The following FAM149A variants were observed in gnomAD, a reference collection of about 807,000 sequenced individuals.
FAM149A encodes family with sequence similarity 149 member A.
A neutral mutation model predicts 78.2 loss-of-function variants in FAM149A; 71 were observed. That is an observed-to-expected ratio of 0.91 (90% CI 0.75 to 1.11). FAM149A has a LOEUF of 1.11. FAM149A is among the 50% of genes least tolerant of loss of function. The pLI is 0.00. For missense variants in FAM149A, 1,036 were observed against 971.0 expected (o/e 1.07, Z -0.89); for synonymous variants, 446 against 410.5 (o/e 1.09, Z -1.04).
At chr4:186,161,306 C>T (rs1004852881) in intron 8 of FAM149A, among the ~76,000 whole-genome samples, 2 of 152,072 alleles carry the variant, frequency 1.3e-5, no homozygotes, top group Admixed American at 6.6e-5. Flanking sequence ...CTGCACCTGG[C>T]GTGGGAGCTT....
At chr4:186,119,276 C>T (rs542554457) in intron 1 of FAM149A, among the ~76,000 whole-genome samples, 44 of 152,128 alleles carry the variant, frequency 2.9e-4, no homozygotes, top group African/African-American at 9.9e-4. Context: ...ACGTAGTACT[C>T]GTCAAGCAAA....
chr4:186,141,688 C>T (rs1437878245), intron 1 of FAM149A, among the ~76,000 whole-genome samples: 3 of 152,272 alleles, frequency 2.0e-5, no homozygotes, highest in Admixed American at 6.5e-5. Context: ...CTGGGCAAAA[C>T]TGAAAAATGG....
chr4:186,147,159 G>C (rs1733117578), intron 1 of FAM149A, among the ~76,000 whole-genome samples: 1 of 152,160 alleles, frequency 6.6e-6, no homozygotes, highest in Non-Finnish European at 1.5e-5. Context: ...AAGGCAGGAG[G>C]ATCACTTGAG....
rs567568248 is a variant in FAM149A at position 186,172,042 on chromosome 4, C to T, written c.*55C>T. 5 of 1,581,778 alleles carry T rather than the reference C, an allele frequency of 3.2e-6. 1 individual carries two copies. The South Asian group carries it at 5.9e-5, about 19-fold the overall frequency. ...TGTGGCCTCGGCACACTGCTTATCA[C>T]TTGAAAAATGGAGGAACAAGTGTTA... On this transcript the variant is annotated 3_prime_UTR_variant, in exon 14 of 14. Coordinates refer to ENST00000389354, the MANE Select transcript of FAM149A (RefSeq NM_001367768.3).
At chr4:186,121,157 T>C (rs1445725566) in intron 1 of FAM149A, among the ~76,000 whole-genome samples, 2 of 152,226 alleles carry the variant, frequency 1.3e-5, no homozygotes, top group Non-Finnish European at 2.9e-5. Context: ...ATACCAAATA[T>C]ATTTTATTCA....
In FAM149A at chr4:186,138,352, G is replaced by T. The variant is rs1306556475; in HGVS notation, c.567-10821G>T. ...AAGTCCAAAACCTGCAGAGGTGACA[G>T]ATTATTTTGGGGGTTACAATTATAT... On this transcript the variant is annotated intron_variant, in intron 1 of 13. Coordinates refer to ENST00000389354, the MANE Select transcript of FAM149A (RefSeq NM_001367768.3). Among the ~76,000 whole-genome samples, 4 of 152,190 alleles carry T rather than the reference G, an allele frequency of 2.6e-5. No homozygotes were observed. In the East Asian group the frequency reaches 7.7e-4, roughly 29 times the overall value.
intron 4 of FAM149A, among the ~76,000 whole-genome samples, chr4:186,152,381 A>G (rs1257131381): frequency 6.6e-6 from 1 of 152,180 alleles, no homozygotes; most frequent in Non-Finnish European, 1.5e-5. Context: ...TCATCACAGA[A>G]CACAGCGAGG....
At position 186,163,599 on chromosome 4, in the gene FAM149A, A is replaced by G. The variant is rs76118081; in HGVS notation, c.1855A>G (p.Ile619Val). 764 of 1,614,162 alleles carry G rather than the reference A, an allele frequency of 4.7e-4. 6 individuals carry two copies. In the African/African-American group the frequency reaches 9.6e-3, roughly 20 times the overall value. ...TTCACAGAGACTAAAAACTCCCAAC[A>G]TCTATAGTGACGAAGTTCTTCGGGG... Residue 619 changes from isoleucine to valine, a missense_variant, in exon 10 of 14, where the codon ATC (isoleucine) becomes GTC (valine). Transcript: ENST00000389354.
chr4:186,119,997 A>G (rs1235275064), intron 1 of FAM149A, among the ~76,000 whole-genome samples: 2 of 152,228 alleles, frequency 1.3e-5, no homozygotes, highest in African/African-American at 4.8e-5. Flanking sequence ...AGTTTAAAGA[A>G]GCAGGTGATA....
At chr4:186,120,245 A>G (rs2099315403) in intron 1 of FAM149A, among the ~76,000 whole-genome samples, 1 of 152,160 alleles carries the variant, frequency 6.6e-6, no homozygotes, top group Admixed American at 6.5e-5. Flanking sequence ...CAGGAATTTT[A>G]TTTTCATTTT....
Position 186,156,033 on chromosome 4 carries a change from G to T in FAM149A, c.1263G>T (p.Gln421His), listed in dbSNP as rs1156587790. The change falls in exon 7 of 14, where the codon CAG becomes CAT. Residue 421 changes from glutamine to histidine, a missense_variant. This residue lies in a region of FAM149A where 716 missense variants were observed against 711.8 expected (regional missense o/e 1.01). Coordinates refer to ENST00000389354, the MANE Select transcript of FAM149A (RefSeq NM_001367768.3). ...AATGTCTTGAACAAAAACCAGCTCA[G>T]CCCGGTAGGAAATGGCGCAAACTCG... 1 of 1,613,820 alleles carries T rather than the reference G, an allele frequency of 6.2e-7. No homozygotes were observed. The highest frequency in any genetic ancestry group is 8.5e-7 in the Non-Finnish European group (1 of 1,179,850).
At chr4:186,116,761 T>A (rs566871840) in intron 1 of FAM149A, 1 of 981,966 alleles carries the variant, frequency 1.0e-6, no homozygotes, top group South Asian at 4.7e-5. Context: ...AAATTGTATT[T>A]GAGTTAGCAG....
chr4:186,162,759 C>G, intron 8 of FAM149A, 86 bp from the exon 9 acceptor site: 1 of 693,630 alleles, frequency 1.4e-6, no homozygotes. Context: ...GTGTTTCCTG[C>G]TGATTTCGGA....
At chr4:186,124,533 G>C (rs902455897) in intron 1 of FAM149A, among the ~76,000 whole-genome samples, 1 of 151,328 alleles carries the variant, frequency 6.6e-6, no homozygotes, top group Non-Finnish European at 1.5e-5. Context: ...CTGTCCTTGT[G>C]ACAGTTTGCT....
chr4:186,126,866 C>G, intron 1 of FAM149A: 1 of 984,618 alleles, frequency 1.0e-6, no homozygotes, highest in Non-Finnish European at 1.2e-6. Flanking sequence ...TGGAGAACCC[C>G]AATACAGGGG....
intron 1 of FAM149A, among the ~76,000 whole-genome samples, chr4:186,141,716 A>C (rs781534694): frequency 3.9e-5 from 6 of 152,206 alleles, no homozygotes; most frequent in Non-Finnish European, 7.3e-5. Context: ...GCAAAGATCA[A>C]ATCCTAGGCA....
chr4:186,113,606 T>C (rs2099312243), intron 1 of FAM149A, among the ~76,000 whole-genome samples: 1 of 145,638 alleles, frequency 6.9e-6, no homozygotes, highest in African/African-American at 2.6e-5. Context: ...TTTGTTCTCG[T>C]TGGTTTCAAA....
chr4:186,131,347 CAAAAAAA>C (rs35861617), intron 1 of FAM149A, among the ~76,000 whole-genome samples: 1 of 148,760 alleles, frequency 6.7e-6, no homozygotes, highest in Non-Finnish European at 1.5e-5. Context: ...GACTCCAACT[CAAAAAAA>C]AAAAGAGGAA....
Position 186,175,322 on chromosome 4 carries a change from AT to A in FAM149A, c.*3340del, listed in dbSNP as rs1735680653. 8.9e-6 allele frequency among the ~76,000 whole-genome samples: 1 copy of A among 112,684 alleles called. No homozygotes were observed. Among genetic ancestry groups the A allele is most frequent in the Non-Finnish European group, 2.2e-5 (1 of 44,586 alleles). 73.9% of individuals were successfully genotyped at this position (112,684 alleles called of 152,430 possible). A position where few individuals can be genotyped will look rare whatever the true frequency, so the allele number is the denominator to read the frequency against. On this transcript the variant is annotated 3_prime_UTR_variant, in exon 14 of 14. Transcript: ENST00000389354. ...AAAAATGTGTAACATTTATAAAAGT[AT>A]TTTTAGATTCCCAATTTTTGTATCA...
Sources: allele counts gnomAD v4.1 joint callset (sites outside exome capture counted in the v4.1 genomes callset), GRCh38; gene constraint gnomAD v4.1.1; regional missense constraint gnomAD v4.1.1; transcripts MANE v1.5; gene names NCBI Gene and HGNC (gene_info 2026-07-23, HGNC 2026-07-21).